The following ALMS1 variants were observed in gnomAD, a reference collection of about 807,000 sequenced individuals.
ALMS1 encodes ALMS1 centrosome and basal body associated protein.
A neutral mutation model predicts 352.2 loss-of-function variants in ALMS1; 271 were observed. The ratio of observed to expected loss-of-function variants is 0.77; its 90% CI spans 0.70 to 0.85. ALMS1 has a LOEUF of 0.85. ALMS1 is among the 40% of genes least tolerant of loss of function. ALMS1 has a pLI of 0.00. For missense variants in ALMS1, 5,445 were observed against 4,870.7 expected (o/e 1.12, Z -3.51); for synonymous variants, 1,865 against 1,761.2 (o/e 1.06, Z -1.48).
intron 16 of ALMS1, among the ~76,000 whole-genome samples, chr2:73,580,164 G>A (rs1013657191): frequency 2.6e-5 from 4 of 152,024 alleles, no homozygotes; most frequent in Admixed American, 6.5e-5. Context: ...CTGCGGCGTC[G>A]AACTCTGGGC....
At chr2:73,513,697 A>T (rs758697708) in intron 10 of ALMS1, among the ~76,000 whole-genome samples, 1 of 152,108 alleles carries the variant, frequency 6.6e-6, no homozygotes, top group East Asian at 1.9e-4. Flanking sequence ...CACCTACCTC[A>T]TTCTGCTTGG....
intron 16 of ALMS1, among the ~76,000 whole-genome samples, chr2:73,579,440 A>G (rs1346819305): frequency 6.6e-6 from 1 of 151,660 alleles, no homozygotes; most frequent in East Asian, 1.9e-4. Flanking sequence ...GGCTCACTGC[A>G]ACCTCCACCT....
chr2:73,542,923 A>T (rs966200343), intron 12 of ALMS1, among the ~76,000 whole-genome samples: 1 of 152,184 alleles, frequency 6.6e-6, no homozygotes, highest in Non-Finnish European at 1.5e-5. Context: ...CAATATTGTG[A>T]AAATGGCCAT....
intron 7 of ALMS1, among the ~76,000 whole-genome samples, chr2:73,436,908 C>A (rs1268594959): frequency 1.3e-5 from 2 of 152,120 alleles, no homozygotes. Context: ...TATTTTGTTC[C>A]CCCTGTGAAG....
At chr2:73,432,737 GA>G (rs1434575012) in intron 7 of ALMS1, among the ~76,000 whole-genome samples, 1 of 152,114 alleles carries the variant, frequency 6.6e-6, no homozygotes, top group African/African-American at 2.4e-5. Flanking sequence ...TCACCTTGGG[GA>G]TTAGGATTTC....
At chr2:73,571,346 G>A (rs1029726223) in intron 15 of ALMS1, among the ~76,000 whole-genome samples, 4 of 152,172 alleles carry the variant, frequency 2.6e-5, no homozygotes, top group African/African-American at 9.7e-5. Flanking sequence ...GTTTATGATT[G>A]TGTCTTAGCT....
intron 9 of ALMS1, among the ~76,000 whole-genome samples, chr2:73,484,395 A>G (rs916378716): frequency 0.032 from 4,889 of 151,006 alleles, 200 homozygotes; most frequent in Admixed American, 0.092. Context: ...AATGTTGAAT[A>G]TTGGCCCCCA....
chr2:73,585,402 T>C (rs1675287760), intron 16 of ALMS1, among the ~76,000 whole-genome samples: 1 of 150,082 alleles, frequency 6.7e-6, no homozygotes, highest in African/African-American at 2.5e-5. Flanking sequence ...CTTTTTTTTT[T>C]TTTTTTTTTG....
rs755160012 is a variant in ALMS1 at position 73,608,567 on chromosome 2, A to G, written c.12455A>G (p.Tyr4152Cys). The G allele has an allele frequency of 6.2e-7, 1 of 1,613,478 alleles. No individual in the cohort carries two copies. Among genetic ancestry groups the G allele is most frequent in the South Asian group, 1.1e-5 (1 of 91,054 alleles). ...TCATACCGGCTGCGAGCCCAGCTATATAAAAAGGTCAGTGGGTCCTCTGTC... is the reference window on the plus strand; with the variant it reads ...TCATACCGGCTGCGAGCCCAGCTATGTAAAAAGGTCAGTGGGTCCTCTGTC... ...YKSYRLRAQL[Y>C]KKRVTNQLLG... Residue 4152 changes from tyrosine (Y) to cysteine (C), a missense_variant, in exon 22 of 23, where the codon TAT becomes TGT. Coordinates refer to ENST00000613296, the MANE Select transcript of ALMS1 (RefSeq NM_001378454.1).
At chr2:73,438,010 T>G (rs983768759) in intron 7 of ALMS1, among the ~76,000 whole-genome samples, 8 of 152,222 alleles carry the variant, frequency 5.3e-5, no homozygotes, top group Non-Finnish European at 1.2e-4. Context: ...TCCTGTTTAC[T>G]CGTTCTGTTC....
rs2103782553 is a variant in ALMS1 at position 73,450,910 on chromosome 2, A to G, written c.4383A>G (p.Pro1461=). 3.7e-6 allele frequency: 6 copies of G among 1,614,054 alleles called. No homozygotes were observed. The highest frequency in any genetic ancestry group is 5.1e-6 in the Non-Finnish European group (6 of 1,179,964). Residue 1461 remains proline, a synonymous_variant, in exon 8 of 23, where the codon CCA becomes CCG. Coordinates refer to ENST00000613296, the MANE Select transcript of ALMS1 (RefSeq NM_001378454.1). The stretch of plus-strand genomic sequence containing the variant: ...TGGAAGTTTCAGTTGCTCCTGGACC[A>G]GTTGACCAGACGATTGGCACACCAA... ...EALEVSVAPG[P]VDQTIGTPTV...
chr2:73,461,003 C>T (rs1013096603), intron 9 of ALMS1, among the ~76,000 whole-genome samples: 2 of 152,242 alleles, frequency 1.3e-5, no homozygotes, highest in African/African-American at 4.8e-5. Context: ...GTAGGCTCCA[C>T]CTCTGGGGGC....
intron 10 of ALMS1, among the ~76,000 whole-genome samples, chr2:73,506,460 C>T (rs61294251): frequency 6.6e-6 from 1 of 152,174 alleles, no homozygotes; most frequent in African/African-American, 2.4e-5. Flanking sequence ...TCTCTTATTT[C>T]CTTGAGCAGT....
At chr2:73,386,833 G>T (rs1670549533) in intron 1 of ALMS1, among the ~76,000 whole-genome samples, 1 of 152,154 alleles carries the variant, frequency 6.6e-6, no homozygotes, top group African/African-American at 2.4e-5. Context: ...GACCCCCGAA[G>T]ATCATTTTGA....
At chr2:73,550,607 T>TA (rs1674409721) in intron 13 of ALMS1, among the ~76,000 whole-genome samples, 170 bp downstream of exon 13, 1 of 152,154 alleles carries the variant, frequency 6.6e-6, no homozygotes, top group African/African-American at 2.4e-5. Context: ...CCTTTAATAA[T>TA]AAAGGAAGCA....
chr2:73,462,342 T>C (rs1672223232), intron 9 of ALMS1, among the ~76,000 whole-genome samples: 1 of 152,204 alleles, frequency 6.6e-6, no homozygotes, highest in African/African-American at 2.4e-5. Flanking sequence ...CAGAATTTCA[T>C]ATCCAGCGAA....
intron 9 of ALMS1, among the ~76,000 whole-genome samples, chr2:73,463,171 A>G (rs1672245877): frequency 1.3e-5 from 2 of 152,186 alleles, no homozygotes; most frequent in South Asian, 4.1e-4. Flanking sequence ...TCAGCACCAC[A>G]CCGCACCTAT....
intron 10 of ALMS1, among the ~76,000 whole-genome samples, chr2:73,512,322 A>G (rs2103946400): frequency 6.6e-6 from 1 of 151,412 alleles, no homozygotes; most frequent in South Asian, 2.1e-4. Context: ...TGACCTTGTG[A>G]TCTGCCCACC....
rs758417301 is a variant in ALMS1 at position 73,602,300 on chromosome 2, A to G, written c.12230A>G (p.Asp4077Gly). Residue 4077 changes from aspartate (D) to glycine (G), a missense_variant, in exon 20 of 23, where the codon GAT becomes GGT. Coordinates refer to ENST00000613296, the MANE Select transcript of ALMS1 (RefSeq NM_001378454.1). ...KLQSMLQTER[D>G]ALFNIDRERQ... ...CAGAGCATGTTACAGACCGAGCGGG[A>G]TGCACTATTCAACATTGACAGGGAA... 4 of 1,614,098 alleles carry G rather than the reference A, an allele frequency of 2.5e-6. No individual in the cohort carries two copies. Among genetic ancestry groups the G allele is most frequent in the African/African-American group, 2.7e-5 (2 of 74,930 alleles).
Sources: allele counts gnomAD v4.1 joint callset (sites outside exome capture counted in the v4.1 genomes callset), GRCh38; gene constraint gnomAD v4.1.1; transcripts MANE v1.5; gene names NCBI Gene and HGNC (gene_info 2026-07-23, HGNC 2026-07-21).